PHACTR1: variants seen among roughly 807,000 people sequenced by gnomAD.
PHACTR1 encodes the protein phosphatase and actin regulator 1.
Under a neutral mutation model 69.2 loss-of-function variants are expected in PHACTR1, and 16 were observed. The ratio of observed to expected loss-of-function variants is 0.23; its 90% CI spans 0.16 to 0.35. The LOEUF is 0.35. Ranked by LOEUF, PHACTR1 falls within the 10% of genes least tolerant of loss-of-function variation. The pLI, the probability that PHACTR1 is intolerant of heterozygous loss-of-function variation, is 1.00. For synonymous variants in PHACTR1, 312 were observed against 284.5 expected (o/e 1.10, Z -0.97); for missense variants, 510 against 734.7 (o/e 0.69, Z 3.54).
chr6:12,749,607 C>T (rs957132535), intron 3 of PHACTR1, 37 bp from the exon 4 acceptor site: 92 of 1,536,650 alleles, frequency 6.0e-5, no homozygotes, highest in Non-Finnish European at 7.9e-5. Flanking sequence ...CCCCTTCCGC[C>T]TCTCTCCCTC....
intron 4 of PHACTR1, among the ~76,000 whole-genome samples, chr6:12,965,280 A>G (rs1329953350): frequency 6.6e-6 from 1 of 152,100 alleles, no homozygotes; most frequent in Non-Finnish European, 1.5e-5. Context: ...TTGCCTACTC[A>G]CTAGAATGTA....
chr6:12,959,461 G>A (rs911348943), intron 4 of PHACTR1, among the ~76,000 whole-genome samples: 4 of 151,950 alleles, frequency 2.6e-5, no homozygotes, highest in Admixed American at 2.0e-4. Context: ...GCATAACAAA[G>A]TTTTTCACTA....
Position 13,210,473 on chromosome 6 carries a change from G to T in PHACTR1, c.986+4337G>T, listed in dbSNP as rs573564605. On this transcript the variant is annotated intron_variant, in intron 8 of 14. Transcript: ENST00000332995. ...CATATTTATTCAAAATCACAGGGTT[G>T]CCCTAGGCAGTGGGGTCCGAGCTGG... Among the ~76,000 whole-genome samples, 91 of 152,276 alleles carry T rather than the reference G, an allele frequency of 6.0e-4. 1 individual carries two copies. In the South Asian group the frequency reaches 0.018, roughly 31 times the overall value.
At chr6:12,805,986 A>T (rs1021118481) in intron 4 of PHACTR1, among the ~76,000 whole-genome samples, 2 of 152,152 alleles carry the variant, frequency 1.3e-5, no homozygotes, top group African/African-American at 4.8e-5. Flanking sequence ...TGGTGTCATA[A>T]TGCTGCATTC....
intron 5 of PHACTR1, among the ~76,000 whole-genome samples, chr6:13,066,309 A>C (rs760645739): frequency 1.1e-4 from 16 of 152,200 alleles, no homozygotes; most frequent in Non-Finnish European, 1.9e-4. Context: ...GTACATGTTG[A>C]ACTGAAAGTC....
At chr6:13,184,738 T>C (rs914849806) in intron 7 of PHACTR1, 27 of 1,289,238 alleles carry the variant, frequency 2.1e-5, no homozygotes, top group Non-Finnish European at 2.8e-5. Flanking sequence ...TGTTCCCCGC[T>C]GGCCCCGCCT....
intron 5 of PHACTR1, among the ~76,000 whole-genome samples, chr6:13,156,619 A>G (rs911765931): frequency 6.6e-6 from 1 of 152,182 alleles, no homozygotes. Context: ...TTAACTTCCC[A>G]TGTCTGTTTG....
intron 5 of PHACTR1, among the ~76,000 whole-genome samples, chr6:13,104,170 A>G (rs1815674767): frequency 6.6e-6 from 1 of 152,156 alleles, no homozygotes; most frequent in Admixed American, 6.5e-5. Context: ...CTTGGATCCT[A>G]TCCAGGACTT....
chr6:12,747,527 A>G (rs1341732405), intron 3 of PHACTR1, among the ~76,000 whole-genome samples: 2 of 151,962 alleles, frequency 1.3e-5, no homozygotes, highest in Non-Finnish European at 2.9e-5. Context: ...TTAGTTGGGC[A>G]TGGTGGTGCA....
chr6:13,170,115 C>T (rs1583696474), intron 6 of PHACTR1, among the ~76,000 whole-genome samples: 1 of 152,252 alleles, frequency 6.6e-6, no homozygotes, highest in East Asian at 1.9e-4. Flanking sequence ...CATGCGTATA[C>T]CACAGTGTAC....
chr6:13,160,205 C>A lies in PHACTR1; in HGVS notation c.417C>A (p.Ala139=), dbSNP rs750049188. 8.7e-6 allele frequency: 14 copies of A among 1,613,358 alleles called. No homozygotes were observed. The African/African-American group carries it at 1.9e-4, about 22-fold the overall frequency. Residue 139 remains alanine, a splice_region_variant and synonymous_variant, in exon 6 of 15, where the codon GCC becomes GCA. Coordinates refer to ENST00000332995, the MANE Select transcript of PHACTR1 (RefSeq NM_030948.6). ...KSEKFKHTSA[A]LERKISMRQS... is the part of the protein sequence containing the mutation. ...TCCCTGTTTGTCTTTTGTTTGTAGCCCTGGAAAGGAAAATATCTATGAGGC... is the reference window on the plus strand; with the variant it reads ...TCCCTGTTTGTCTTTTGTTTGTAGCACTGGAAAGGAAAATATCTATGAGGC...
intron 7 of PHACTR1, among the ~76,000 whole-genome samples, chr6:13,201,050 C>T (rs939542156): frequency 6.6e-6 from 1 of 152,132 alleles, no homozygotes; most frequent in Non-Finnish European, 1.5e-5. Flanking sequence ...TTCTGATGCA[C>T]CCCCAGTCCT....
At chr6:12,853,272 T>C (rs979376299) in intron 4 of PHACTR1, among the ~76,000 whole-genome samples, 1 of 152,210 alleles carries the variant, frequency 6.6e-6, no homozygotes, top group African/African-American at 2.4e-5. Flanking sequence ...CCTGCTCCAG[T>C]GTCCCTTGCA....
At chr6:12,975,279 T>C (rs1434757957) in intron 4 of PHACTR1, among the ~76,000 whole-genome samples, 3 of 152,220 alleles carry the variant, frequency 2.0e-5, no homozygotes, top group Non-Finnish European at 4.4e-5. Context: ...ATCTCCATGA[T>C]GGACATGGAC....
chr6:13,105,851 G>A lies in PHACTR1; in HGVS notation c.415+52322G>A, dbSNP rs577462491. 2.6e-5 allele frequency among the ~76,000 whole-genome samples: 4 copies of A among 152,352 alleles called. No homozygotes were observed. The South Asian group carries it at 6.2e-4, about 24-fold the overall frequency. Reference sequence around the variant, plus strand: ...GTTGCTCTGAACATAGACTCCATTAGCAGCAGTTACAAGTGGATTTTTTAA... The same window carrying A: ...GTTGCTCTGAACATAGACTCCATTAACAGCAGTTACAAGTGGATTTTTTAA... On this transcript the variant is annotated intron_variant, in intron 5 of 14. Coordinates refer to ENST00000332995, the MANE Select transcript of PHACTR1 (RefSeq NM_030948.6).
At chr6:12,995,780 AAAATTATAAAT>A (rs1797354462) in intron 4 of PHACTR1, among the ~76,000 whole-genome samples, 1 of 152,048 alleles carries the variant, frequency 6.6e-6, no homozygotes, top group African/African-American at 2.4e-5. Context: ...AAACTAATCC[AAAATTATAAAT>A]GAATTTTTTT....
At chr6:12,910,166 C>T (rs978909486) in intron 4 of PHACTR1, among the ~76,000 whole-genome samples, 1 of 152,126 alleles carries the variant, frequency 6.6e-6, no homozygotes, top group African/African-American at 2.4e-5. Flanking sequence ...GAGGAGTAGG[C>T]AGGTTTTCTG....
At chr6:13,054,484 G>T (rs1430316955) in intron 5 of PHACTR1, among the ~76,000 whole-genome samples, 1 of 152,206 alleles carries the variant, frequency 6.6e-6, no homozygotes. Context: ...AGTTCTGGAG[G>T]CTGGAAGTCC....
chr6:13,142,881 A>G (rs910061209), intron 5 of PHACTR1, among the ~76,000 whole-genome samples: 41 of 152,294 alleles, frequency 2.7e-4, no homozygotes, highest in African/African-American at 8.7e-4. Context: ...AACAAATTGT[A>G]TTGGTAATTA....
Sources: gnomAD v4.1 joint callset for allele counts (sites outside exome capture counted in the v4.1 genomes callset) on GRCh38, gnomAD v4.1.1 for gene constraint, MANE v1.5 for transcripts, NCBI Gene and HGNC (gene_info 2026-07-23, HGNC 2026-07-21) for gene names.